THTPA: variants seen among roughly 807,000 people sequenced by gnomAD.
THTPA encodes thiamine-triphosphatase.
A neutral mutation model predicts 16.5 loss-of-function variants in THTPA; 16 were observed. The ratio of observed to expected loss-of-function variants is 0.97; its 90% CI spans 0.66 to 1.47. THTPA has a LOEUF of 1.47. THTPA is among the 40% of genes most tolerant of loss of function. The pLI, the probability that THTPA is intolerant of heterozygous loss-of-function variation, is 0.00. For missense variants in THTPA, 281 were observed against 280.9 expected (o/e 1.00, Z 0.00); for synonymous variants, 110 against 115.5 (o/e 0.95, Z 0.30).
At chr14:23,518,530 A>C in the THTPA span, among the ~76,000 whole-genome samples, 1 of 152,128 alleles carries the variant, frequency 6.6e-6, no homozygotes, top group African/African-American at 2.4e-5. This position sits in a 1 kb window ranked among gnomAD's most constrained non-coding sequence, Gnocchi z 4.5. Context: ...TTTTGTTCCT[A>C]GTTGAGGATT....
chr14:23,559,911 T>C lies in THTPA; in HGVS notation c.*1071T>C, dbSNP rs1883260706. ...CACGGCTTCTTCTATCCCTGGGTCT[T>C]GTCTTGGGGGAACTCCTGAAGCTCA... On this transcript the variant is annotated 3_prime_UTR_variant, in exon 2 of 2. Transcript: ENST00000288014. 6.2e-7 allele frequency: 1 copy of C among 1,611,540 alleles called. No individual in the cohort carries two copies. Among genetic ancestry groups the C allele is most frequent in the South Asian group, 1.1e-5 (1 of 90,892 alleles).
chr14:23,521,859 G>T, the THTPA span: 1 of 1,489,514 alleles, frequency 6.7e-7, no homozygotes, highest in South Asian at 1.3e-5. Flanking sequence ...GAGGTGGGCG[G>T]GGCCAGGGGG....
At chr14:23,527,078 C>G in the THTPA span, 1 of 1,390,478 alleles carries the variant, frequency 7.2e-7, no homozygotes, top group East Asian at 2.6e-5. Context: ...GATCCCTTGC[C>G]ACAGATCCAG....
At chr14:23,540,363 C>A in the THTPA span, among the ~76,000 whole-genome samples, 2 of 152,164 alleles carry the variant, frequency 1.3e-5, no homozygotes, top group African/African-American at 2.4e-5. Flanking sequence ...AATTTTAGGA[C>A]CTTTTTTTAA....
the THTPA span, among the ~76,000 whole-genome samples, chr14:23,539,451 G>A: frequency 6.6e-6 from 1 of 152,222 alleles, no homozygotes; most frequent in Non-Finnish European, 1.5e-5. Context: ...GAGATAAGAG[G>A]CTCAGATGTA....
chr14:23,553,691 G>A (rs927812596), upstream of THTPA, among the ~76,000 whole-genome samples: 1 of 151,192 alleles, frequency 6.6e-6, no homozygotes, highest in South Asian at 2.1e-4. Flanking sequence ...TCAGGAGATC[G>A]AGACCATCCT....
the THTPA span, chr14:23,526,142 A>G: frequency 2.0e-6 from 3 of 1,536,252 alleles, no homozygotes; most frequent in South Asian, 2.4e-5. Flanking sequence ...AACTGACCGC[A>G]TGTGGATCTC....
upstream of THTPA, among the ~76,000 whole-genome samples, chr14:23,554,180 C>A (rs1882176065): frequency 1.3e-5 from 2 of 152,022 alleles, no homozygotes; most frequent in African/African-American, 4.8e-5. Context: ...AAATAAGCTG[C>A]TGCTTTTGCC....
At chr14:23,550,585 A>G in the THTPA span, among the ~76,000 whole-genome samples, 4 of 152,324 alleles carry the variant, frequency 2.6e-5, no homozygotes, top group East Asian at 7.7e-4. Context: ...GGACACATGG[A>G]CAGAGATCAG....
At chr14:23,527,248 A>G in the THTPA span, among the ~76,000 whole-genome samples, 1 of 151,906 alleles carries the variant, frequency 6.6e-6, no homozygotes, top group African/African-American at 2.4e-5. Flanking sequence ...CTGTTCAACA[A>G]CTCTTCTCAG....
the THTPA span, among the ~76,000 whole-genome samples, chr14:23,520,535 T>G: frequency 6.6e-6 from 1 of 152,166 alleles, no homozygotes; most frequent in Non-Finnish European, 1.5e-5. This position sits in a 1 kb window ranked among gnomAD's most constrained non-coding sequence, Gnocchi z 8.7. Flanking sequence ...ATACTTTTGG[T>G]GACACTGACT....
At chr14:23,538,945 CAGAG>C in the THTPA span, among the ~76,000 whole-genome samples, 12 of 152,164 alleles carry the variant, frequency 7.9e-5, no homozygotes, top group South Asian at 4.2e-4. Context: ...TTAGAGGCGA[CAGAG>C]AGAGCTTTAA....
rs1404021198 is a variant in THTPA, at chr14:23,559,858, TAGG to T, written c.*1021_*1023del. 5.6e-6 allele frequency: 9 copies of T among 1,613,888 alleles called. No individual in the cohort carries two copies. In the African/African-American group the frequency reaches 1.2e-4, roughly 22 times the overall value. On this transcript the variant is annotated 3_prime_UTR_variant, in exon 2 of 2. Transcript: ENST00000288014. ...CTTTAGCCGCAGGGGGGCCTAGGAA[TAGG>T]AGAGCAGGGACCAGGGTTAGCACCC... is the stretch of plus-strand genomic sequence containing the variant.
chr14:23,550,452 T>C, the THTPA span, among the ~76,000 whole-genome samples: 13 of 152,258 alleles, frequency 8.5e-5, no homozygotes, highest in Non-Finnish European at 1.6e-4. Flanking sequence ...CACATAGTGA[T>C]AGAGACACAC....
At chr14:23,547,212 G>C in the THTPA span, among the ~76,000 whole-genome samples, 2 of 152,244 alleles carry the variant, frequency 1.3e-5, no homozygotes, top group Admixed American at 1.3e-4. Flanking sequence ...TCAAGATCTG[G>C]GCAGCAGTAA....
At chr14:23,536,299 G>C in the THTPA span, among the ~76,000 whole-genome samples, 2 of 152,172 alleles carry the variant, frequency 1.3e-5, no homozygotes, top group African/African-American at 4.8e-5. Flanking sequence ...TCTTTTGAAT[G>C]GCAGAATTCT....
At chr14:23,527,585 T>A in the THTPA span, 1 of 1,536,332 alleles carries the variant, frequency 6.5e-7, no homozygotes, top group Non-Finnish European at 8.7e-7. Context: ...TGTACCGTCC[T>A]CACCCAGCCT....
At chr14:23,525,072 C>G in the THTPA span, 4 of 1,536,176 alleles carry the variant, frequency 2.6e-6, no homozygotes, top group Admixed American at 7.8e-5. This position sits in a 1 kb window ranked among gnomAD's most constrained non-coding sequence, Gnocchi z 5.9. Flanking sequence ...CGCTCCACCT[C>G]TCCGTCTTTG....
chr14:23,525,923 A>G, the THTPA span: 3 of 1,473,972 alleles, frequency 2.0e-6, no homozygotes. This position sits in a 1 kb window ranked among gnomAD's most constrained non-coding sequence, Gnocchi z 5.9. Context: ...TGGTGGGGTG[A>G]AGAGAGGGGC....
Sources: allele counts gnomAD v4.1 joint callset (sites outside exome capture counted in the v4.1 genomes callset), GRCh38; gene constraint gnomAD v4.1.1; non-coding constraint Gnocchi (gnomAD v3.1); transcripts MANE v1.5; gene names NCBI Gene and HGNC (gene_info 2026-07-23, HGNC 2026-07-21).